TNFSF15: variants seen among roughly 807,000 people sequenced by gnomAD.
The protein encoded by TNFSF15 is TNF superfamily member 15.
Under a neutral mutation model 26.4 loss-of-function variants are expected in TNFSF15, and 15 were observed. The ratio of observed to expected loss-of-function variants is 0.57; its 90% confidence interval spans 0.38 to 0.87. The LOEUF (loss-of-function observed/expected upper bound fraction) is 0.87, where lower values mean the gene tolerates loss of function less well. TNFSF15 is among the 40% of genes least tolerant of loss of function. The pLI is 0.00. For missense variants in TNFSF15, 290 were observed against 306.1 expected (o/e 0.95, Z 0.39); for synonymous variants, 116 against 115.0 (o/e 1.01, Z -0.06).
chr9:114,801,243 C>A (rs1348793430), intron 1 of TNFSF15, among the ~76,000 whole-genome samples: 1 of 152,124 alleles, frequency 6.6e-6, no homozygotes. Flanking sequence ...AGGATGGAGG[C>A]CTGGTCTCAG....
chr9:114,801,736 A>G (rs1216001405), intron 1 of TNFSF15, among the ~76,000 whole-genome samples: 1 of 152,174 alleles, frequency 6.6e-6, no homozygotes, highest in Non-Finnish European at 1.5e-5. Flanking sequence ...TTAACTTTCA[A>G]CCCTAAACTC....
In TNFSF15 at chr9:114,805,980, T is replaced by A. The variant is rs775935352; in HGVS notation, c.33A>T (p.Glu11Asp). MAEDLGLSFGETASVEMLPEH... is the reference protein window; with the variant it reads MAEDLGLSFGDTASVEMLPEH... ...CTGGCAGCATTTCCACACTGGCTGTTTCCCCAAAGCTCAGTCCCAGATCCT... is the reference window on the plus strand; with the variant it reads ...CTGGCAGCATTTCCACACTGGCTGTATCCCCAAAGCTCAGTCCCAGATCCT... Residue 11 changes from glutamate to aspartate, a missense_variant, in exon 1 of 4, where the codon GAA becomes GAT. By Grantham distance (45) the Glu-to-Asp change is conservative (BLOSUM62 2). Transcript: ENST00000374045. 1 of 1,614,044 alleles carries A rather than the reference T, an allele frequency of 6.2e-7. No homozygotes were observed. The highest frequency in any genetic ancestry group is 1.1e-5 in the South Asian group (1 of 91,070).
Position 114,786,687 on chromosome 9 carries a change from C to T in TNFSF15, c.*3765G>A, listed in dbSNP as rs529741211. ...CAGCACTTTGGAAGGCTGAGGCGGG[C>T]GGATCACGAGGTCAGGAGATCGAGA... On this transcript the variant is annotated 3_prime_UTR_variant, in exon 4 of 4. Transcript: ENST00000374045. 5.9e-5 allele frequency: 9 copies of T among 151,710 alleles called. No homozygotes were observed. In the South Asian group the frequency reaches 6.2e-4, roughly 11 times the overall value. The allele number at this position is 151,710 out of a possible 1,614,324, so 9.4% of individuals were successfully genotyped here. A position where few individuals can be genotyped will look rare whatever the true frequency, so the allele number is the denominator to read the frequency against.
chr9:114,798,422 G>T (rs1243851536), intron 1 of TNFSF15, among the ~76,000 whole-genome samples: 2 of 151,716 alleles, frequency 1.3e-5, no homozygotes, highest in Non-Finnish European at 2.9e-5. Flanking sequence ...ACTAACCATG[G>T]TCTGTTACTA....
intron 1 of TNFSF15, among the ~76,000 whole-genome samples, chr9:114,794,801 T>C (rs939918607): frequency 7.2e-5 from 11 of 152,126 alleles, no homozygotes; most frequent in African/African-American, 2.2e-4. Context: ...CATGTTCTCA[T>C]TGATATGTGG....
intron 1 of TNFSF15, among the ~76,000 whole-genome samples, chr9:114,796,205 C>G (rs1261658567): frequency 2.6e-5 from 4 of 152,200 alleles, no homozygotes; most frequent in Non-Finnish European, 5.9e-5. Context: ...ATGCTGCTCT[C>G]CTGGATTCTT....
chr9:114,792,489 C>T (rs766186344), intron 2 of TNFSF15, 35 bp from the exon 3 acceptor site: 1 of 1,613,800 alleles, frequency 6.2e-7, no homozygotes, highest in African/African-American at 1.3e-5. Context: ...TTGTATGAGA[C>T]AAAGGGTGAC....
At chr9:114,799,402 T>G (rs1450933160) in intron 1 of TNFSF15, among the ~76,000 whole-genome samples, 1 of 152,182 alleles carries the variant, frequency 6.6e-6, no homozygotes, top group African/African-American at 2.4e-5. Context: ...CACATCCTCT[T>G]TTTGGTCTTA....
At chr9:114,791,710 G>A (rs1419008427) in intron 3 of TNFSF15, 1 of 167,160 alleles carries the variant, frequency 6.0e-6, no homozygotes, top group African/African-American at 2.4e-5. Flanking sequence ...TTCTGCACTA[G>A]ACTTGGAAAG....
chr9:114,799,632 C>G (rs559766474), intron 1 of TNFSF15, among the ~76,000 whole-genome samples: 1 of 152,336 alleles, frequency 6.6e-6, no homozygotes, highest in East Asian at 1.9e-4. Flanking sequence ...TTGCTGCTGT[C>G]AGCTACAAGG....
rs1829542222 is a variant in TNFSF15 at position 114,788,544 on chromosome 9, CTT to C, written c.*1906_*1907del. ...TGAAGTGCTCCTGCTACACTGGACA[CTT>C]TGCTCAGGAGCCTCTCAAATGCCTC... On this transcript the variant is annotated 3_prime_UTR_variant, in exon 4 of 4. Coordinates refer to ENST00000374045, the MANE Select transcript of TNFSF15 (RefSeq NM_005118.4). The C allele has an allele frequency of 6.6e-6, 1 of 152,236 alleles. No homozygotes were observed. The highest frequency in any genetic ancestry group is 2.4e-5 in the African/African-American group (1 of 41,466). The allele number at this position is 152,236 out of a possible 1,614,324, so 9.4% of individuals were successfully genotyped here.
Position 114,789,346 on chromosome 9 carries a change from CT to C in TNFSF15, c.*1105del. The C allele has an allele frequency of 6.6e-6, 1 of 151,176 alleles. No individual in the cohort carries two copies. The highest frequency in any genetic ancestry group is 6.6e-5 in the Admixed American group (1 of 15,148). 9.4% of individuals were successfully genotyped at this position (151,176 alleles called of 1,614,324 possible). ...TTTTTTTTTTTTGGACAGAGTTTTG[CT>C]CTTGTTACCCAGGCTGGAGTGCAAT... On this transcript the variant is annotated 3_prime_UTR_variant, in exon 4 of 4. Coordinates refer to ENST00000374045, the MANE Select transcript of TNFSF15 (RefSeq NM_005118.4).
At chr9:114,799,787 G>A (rs771308524) in intron 1 of TNFSF15, among the ~76,000 whole-genome samples, 28 of 152,308 alleles carry the variant, frequency 1.8e-4, no homozygotes, top group African/African-American at 6.0e-4. Context: ...GGATTCTGCC[G>A]TTACCAGCTG....
At chr9:114,803,181 G>A (rs1242677396) in intron 1 of TNFSF15, among the ~76,000 whole-genome samples, 2 of 151,990 alleles carry the variant, frequency 1.3e-5, no homozygotes, top group Admixed American at 6.6e-5. Flanking sequence ...AAATTCCATA[G>A]CACCTCTCTG....
At chr9:114,793,132 CT>C (rs1354671947) in intron 2 of TNFSF15, among the ~76,000 whole-genome samples, 2 of 152,176 alleles carry the variant, frequency 1.3e-5, no homozygotes, top group Admixed American at 6.5e-5. Context: ...GAAGTGCATA[CT>C]TTTGATGTGC....
chr9:114,805,734 T>A (rs1829811946), intron 1 of TNFSF15, 69 bp downstream of exon 1: 2 of 1,459,628 alleles, frequency 1.4e-6, no homozygotes, highest in South Asian at 2.4e-5. Context: ...TGTCCAGAGC[T>A]GAAATAGTTG....
At chr9:114,794,507 C>T (rs932313384) in intron 1 of TNFSF15, among the ~76,000 whole-genome samples, 3 of 152,084 alleles carry the variant, frequency 2.0e-5, no homozygotes, top group African/African-American at 4.8e-5. Flanking sequence ...GTCTAGCAAT[C>T]TCACTACTGG....
chr9:114,799,771 T>C (rs191269534), intron 1 of TNFSF15, among the ~76,000 whole-genome samples: 1 of 152,294 alleles, frequency 6.6e-6, no homozygotes, highest in African/African-American at 2.4e-5. Context: ...TACCTGGTGG[T>C]TGAGTGGATT....
At chr9:114,793,632 T>C in intron 1 of TNFSF15, 64 bp from the exon 2 acceptor site, 1 of 1,487,188 alleles carries the variant, frequency 6.7e-7, no homozygotes, top group Non-Finnish European at 9.4e-7. Flanking sequence ...ACTTACAGCT[T>C]CCCATAGCAC....
Sources: allele counts gnomAD v4.1 joint callset (sites outside exome capture counted in the v4.1 genomes callset), GRCh38; gene constraint gnomAD v4.1.1; transcripts MANE v1.5; gene names NCBI Gene and HGNC (gene_info 2026-07-23, HGNC 2026-07-21).